The following LAMA1 variants were observed in gnomAD, a reference collection of about 807,000 sequenced individuals.
The protein encoded by LAMA1 is laminin subunit alpha-1.
LAMA1 carries 219 observed loss-of-function variants against 348.7 expected under a neutral mutation model. The observed-to-expected ratio is 0.63, with a 90% CI of 0.56 to 0.70. The LOEUF (loss-of-function observed/expected upper bound fraction) is 0.70. Among genes scored for constraint, LAMA1 ranks in the 30% least tolerant of loss-of-function variants. The pLI, the probability that LAMA1 is intolerant of heterozygous loss-of-function variation, is 0.00. For synonymous variants in LAMA1, 1,487 were observed against 1,491.0 expected, an observed-to-expected ratio of 1.00 and a Z score of 0.06; for missense variants, 3,744 against 3,888.0, an observed-to-expected ratio of 0.96 and a Z score of 0.99.
intron 19 of LAMA1, among the ~76,000 whole-genome samples, chr18:7,021,134 C>G (rs989895826): frequency 1.3e-5 from 2 of 151,854 alleles, no homozygotes; most frequent in Non-Finnish European, 2.9e-5. Context: ...GGTCACTCTT[C>G]TTGGGGCTCT....
At chr18:6,992,766 G>A in intron 35 of LAMA1, 46 bp from the exon 36 acceptor site, 1 of 1,529,524 alleles carries the variant, frequency 6.5e-7, no homozygotes, top group Non-Finnish European at 9.0e-7. Flanking sequence ...CTCAAAAGTG[G>A]CTAGTACCAA....
chr18:6,970,054 G>C (rs1175441353), intron 48 of LAMA1, among the ~76,000 whole-genome samples: 2 of 152,160 alleles, frequency 1.3e-5, no homozygotes, highest in African/African-American at 4.8e-5. Flanking sequence ...CAGTGGAGGG[G>C]ATAGAGTCTA....
intron 36 of LAMA1, among the ~76,000 whole-genome samples, chr18:6,988,070 C>A (rs1377622920): frequency 6.6e-6 from 1 of 151,956 alleles, no homozygotes; most frequent in Admixed American, 6.6e-5. Flanking sequence ...GCTGAGATTG[C>A]GCCACTGCAC....
intron 55 of LAMA1, 80 bp from the exon 56 acceptor site, chr18:6,956,845 C>T (rs1211991265): frequency 2.8e-6 from 4 of 1,449,284 alleles, no homozygotes; most frequent in Non-Finnish European, 3.9e-6. Context: ...GATAACTGTA[C>T]AATGAAAATC....
intron 39 of LAMA1, among the ~76,000 whole-genome samples, chr18:6,984,201 G>A (rs745591589): frequency 2.0e-5 from 3 of 151,992 alleles, no homozygotes; most frequent in Admixed American, 6.6e-5. Flanking sequence ...TCAATTTAGC[G>A]CATAATTTAT....
chr18:7,015,989 C>T lies in LAMA1; in HGVS notation c.2990-131G>A, dbSNP rs557326579. ...CACTCCTAAAAGACGCCTCACAATTCCCAAGACCCCTCCATGTCTCATGGA... is the reference window on the plus strand; with the variant it reads ...CACTCCTAAAAGACGCCTCACAATTTCCAAGACCCCTCCATGTCTCATGGA... On this transcript the variant is annotated intron_variant, in intron 21 of 62. Coordinates refer to ENST00000389658, the MANE Select transcript of LAMA1 (RefSeq NM_005559.4). The T allele has an allele frequency of 1.7e-4, 182 of 1,060,146 alleles. 2 individuals carry two copies. In the South Asian group the frequency reaches 2.3e-3, roughly 14 times the overall value. 65.7% of individuals were successfully genotyped at this position (1,060,146 alleles called of 1,614,324 possible).
intron 1 of LAMA1, among the ~76,000 whole-genome samples, chr18:7,099,111 T>G (rs1233090848): frequency 6.6e-6 from 1 of 151,876 alleles, no homozygotes. Context: ...CTTTTCATTT[T>G]GTTCTGTACT....
At chr18:6,963,923 C>T (rs2057620650) in intron 51 of LAMA1, 1 of 152,386 alleles carries the variant, frequency 6.6e-6, no homozygotes, top group Non-Finnish European at 1.5e-5. Flanking sequence ...TTTCATTCCA[C>T]TTCTTGATGC....
chr18:7,093,818 A>G (rs1485430860), intron 1 of LAMA1, among the ~76,000 whole-genome samples: 1 of 138,956 alleles, frequency 7.2e-6, no homozygotes, highest in Non-Finnish European at 1.5e-5. Flanking sequence ...TCTGTTGCCC[A>G]GGCTGGAGTG....
At chr18:6,991,370 A>C (rs1002579164) in intron 36 of LAMA1, among the ~76,000 whole-genome samples, 1 of 151,164 alleles carries the variant, frequency 6.6e-6, no homozygotes, top group Non-Finnish European at 1.5e-5. Context: ...TCTTTGACTA[A>C]ATAATTCCAC....
At chr18:7,107,666 G>A (rs909548161) in intron 1 of LAMA1, among the ~76,000 whole-genome samples, 3 of 152,106 alleles carry the variant, frequency 2.0e-5, no homozygotes, top group Non-Finnish European at 4.4e-5. Flanking sequence ...TTTAAAAACT[G>A]AATAGAAATG....
chr18:7,033,129 G>T, intron 14 of LAMA1, 34 bp from the exon 15 acceptor site: 1 of 1,415,356 alleles, frequency 7.1e-7, no homozygotes, highest in Non-Finnish European at 9.9e-7. Context: ...TGACTCACAC[G>T]CTCGCAAATA....
intron 32 of LAMA1, among the ~76,000 whole-genome samples, 176 bp from the exon 33 acceptor site, chr18:6,998,060 C>T (rs2057790971): frequency 6.6e-6 from 1 of 152,098 alleles, no homozygotes; most frequent in Non-Finnish European, 1.5e-5. Flanking sequence ...ATGGGTGGCA[C>T]GGCAGGAAGT....
chr18:7,042,148 T>A lies in LAMA1; in HGVS notation c.1258A>T (p.Asn420Tyr). 1 of 1,595,524 alleles carries A rather than the reference T, an allele frequency of 6.3e-7. No homozygotes were observed. The highest frequency in any genetic ancestry group is 8.6e-7 in the Non-Finnish European group (1 of 1,164,344). Residue 420 changes from asparagine to tyrosine, a missense_variant, in exon 9 of 63, where the codon AAT becomes TAT. By Grantham distance (143) the Asn-to-Tyr change is moderately radical. Transcript: ENST00000389658. ...IKDDLHSDLH[N>Y]GKQPGQCPCK... The stretch of plus-strand genomic sequence containing the variant: ...CAAAAGTGAATCAAGTACTTACCAT[T>A]GTGTAAGTCAGAATGGAGGTCATCC...
chr18:7,044,864 G>T, intron 6 of LAMA1, 25 bp from the exon 7 acceptor site: 1 of 1,514,312 alleles, frequency 6.6e-7, no homozygotes, highest in Non-Finnish European at 9.2e-7. Context: ...AGCCAAAACT[G>T]AATTAGAAAA....
chr18:6,976,333 A>G (rs2057682106), intron 44 of LAMA1, among the ~76,000 whole-genome samples: 1 of 152,206 alleles, frequency 6.6e-6, no homozygotes, highest in African/African-American at 2.4e-5. Context: ...TCTTGCTCAT[A>G]TAAGATTTAA....
intron 1 of LAMA1, among the ~76,000 whole-genome samples, chr18:7,094,380 T>C (rs537254951): frequency 1.3e-5 from 2 of 149,152 alleles, no homozygotes; most frequent in Admixed American, 1.3e-4. Flanking sequence ...GCCTAGATTA[T>C]TGCGCCACTG....
chr18:6,944,633 T>C (rs2057514283), intron 61 of LAMA1, among the ~76,000 whole-genome samples: 1 of 152,152 alleles, frequency 6.6e-6, no homozygotes, highest in Admixed American at 6.6e-5. Flanking sequence ...GAAGACCATG[T>C]GAGAACACAG....
intron 36 of LAMA1, among the ~76,000 whole-genome samples, chr18:6,989,086 T>C (rs1266594123): frequency 6.6e-6 from 1 of 152,176 alleles, no homozygotes; most frequent in Non-Finnish European, 1.5e-5. Flanking sequence ...ACTTTTGCTA[T>C]GTGCTAGGCA....
Sources: gnomAD v4.1 joint callset for allele counts (sites outside exome capture counted in the v4.1 genomes callset) on GRCh38, gnomAD v4.1.1 for gene constraint, MANE v1.5 for transcripts, NCBI Gene and HGNC (gene_info 2026-07-23, HGNC 2026-07-21) for gene names.